Variants in SEMA3E observed in about 807,000 individuals in gnomAD.
The protein encoded by SEMA3E is semaphorin-3E.
SEMA3E carries 49 observed loss-of-function variants against 93.6 expected under a neutral mutation model. The observed-to-expected ratio is 0.52, with a 90% CI of 0.42 to 0.66. The LOEUF (loss-of-function observed/expected upper bound fraction) is 0.66. Among genes scored for constraint, SEMA3E ranks in the 30% least tolerant of loss-of-function variants. SEMA3E has a pLI of 0.00. For missense variants in SEMA3E, 906 were observed against 964.8 expected, an observed-to-expected ratio of 0.94 and a Z score of 0.81; for synonymous variants, 363 against 330.7, an observed-to-expected ratio of 1.10 and a Z score of -1.06.
chr7:83,459,783 C>A (rs1789570901), intron 4 of SEMA3E, among the ~76,000 whole-genome samples: 1 of 152,146 alleles, frequency 6.6e-6, no homozygotes, highest in Non-Finnish European at 1.5e-5. Flanking sequence ...CCCTGCCCCA[C>A]CTTAACTGAT....
intron 1 of SEMA3E, among the ~76,000 whole-genome samples, chr7:83,516,871 A>C (rs961025399): frequency 4.6e-5 from 7 of 151,538 alleles, no homozygotes; most frequent in Non-Finnish European, 7.4e-5. Flanking sequence ...TACAATAATA[A>C]ATTTTAGTAA....
intron 14 of SEMA3E, among the ~76,000 whole-genome samples, chr7:83,387,630 T>C (rs895203953): frequency 4.6e-5 from 7 of 151,744 alleles, no homozygotes; most frequent in South Asian, 2.1e-4. Flanking sequence ...TTCAATGTGA[T>C]AGTGTGTTTT....
intron 4 of SEMA3E, among the ~76,000 whole-genome samples, chr7:83,461,401 C>T (rs749041619): frequency 2.6e-5 from 4 of 152,146 alleles, no homozygotes; most frequent in Non-Finnish European, 4.4e-5. Context: ...GCTCCTCCAC[C>T]CTATAATCTT....
At chr7:83,526,968 G>A (rs373456337) in intron 1 of SEMA3E, among the ~76,000 whole-genome samples, 1 of 149,390 alleles carries the variant, frequency 6.7e-6, no homozygotes, top group African/African-American at 2.5e-5. Context: ...CCAGCTTTGC[G>A]AGTGTGACCT....
At chr7:83,520,417 C>A (rs184868032) in intron 1 of SEMA3E, among the ~76,000 whole-genome samples, 1 of 152,204 alleles carries the variant, frequency 6.6e-6, no homozygotes, top group African/African-American at 2.4e-5. Context: ...ATTCCTTTCT[C>A]CGTATAATCT....
Position 83,466,569 on chromosome 7 carries a change from A to G in SEMA3E, c.369T>C (p.His123=). ...TCAGAAGGTGTGTCCTGTTATAGTGATGCAAAACCCGAACATAATTTGCAC... is the reference window on the plus strand; with the variant it reads ...TCAGAAGGTGTGTCCTGTTATAGTGGTGCAAAACCCGAACATAATTTGCAC... ...GECANYVRVL[H]HYNRTHLLTC... Residue 123 remains histidine, a synonymous_variant, in exon 4 of 17, where the codon CAT becomes CAC. Coordinates refer to ENST00000643230, the MANE Select transcript of SEMA3E (RefSeq NM_012431.3). 6.2e-7 allele frequency: 1 copy of G among 1,613,960 alleles called. No homozygotes were observed. Among genetic ancestry groups the G allele is most frequent in the Non-Finnish European group, 8.5e-7 (1 of 1,180,004 alleles).
intron 2 of SEMA3E, among the ~76,000 whole-genome samples, chr7:83,475,583 C>T (rs780781675): frequency 3.3e-5 from 5 of 152,224 alleles, no homozygotes; most frequent in Middle Eastern, 3.4e-3. Flanking sequence ...TAGGCTGCCA[C>T]GCATCACCCC....
At chr7:83,457,484 T>G (rs771021778) in intron 4 of SEMA3E, among the ~76,000 whole-genome samples, 1 of 152,234 alleles carries the variant, frequency 6.6e-6, no homozygotes, top group Non-Finnish European at 1.5e-5. Context: ...GAAATAAAAT[T>G]AGAATTGCTT....
rs1447510261 is a variant in SEMA3E at position 83,482,904 on chromosome 7, TAC to T, written c.276+7208_276+7209del. ...TTCCAGGGAAGGGGAGTTGTAAGGATACAGAGGTATGAAAAAGAGAAATGGTC... is the reference window on the plus strand; with the variant it reads ...TTCCAGGGAAGGGGAGTTGTAAGGATAGAGGTATGAAAAAGAGAAATGGTC... On this transcript the variant is annotated intron_variant, in intron 2 of 16. Transcript: ENST00000643230. Among the ~76,000 whole-genome samples the T allele has an allele frequency of 3.6e-5, 3 of 83,588 alleles. No individual in the cohort carries two copies. The Admixed American group carries it at 4.9e-4, about 14-fold the overall frequency. 54.8% of individuals were successfully genotyped at this position (83,588 alleles called of 152,430 possible). A position where few individuals can be genotyped will look rare whatever the true frequency, so the allele number is the denominator to read the frequency against.
At chr7:83,373,907 G>A (rs1794782702) in intron 16 of SEMA3E, among the ~76,000 whole-genome samples, 1 of 152,086 alleles carries the variant, frequency 6.6e-6, no homozygotes, top group South Asian at 2.1e-4. Flanking sequence ...CACTAGTAAG[G>A]TTAGAAACTC....
chr7:83,616,800 C>T (rs1454349043), intron 1 of SEMA3E: 6 of 422,770 alleles, frequency 1.4e-5, no homozygotes, highest in Non-Finnish European at 2.8e-5. Flanking sequence ...TCTCCTCTCA[C>T]TACAACCTCC....
intron 2 of SEMA3E, among the ~76,000 whole-genome samples, chr7:83,477,792 A>C (rs1399259712): frequency 6.6e-6 from 1 of 152,152 alleles, no homozygotes; most frequent in Non-Finnish European, 1.5e-5. Context: ...TTAAATTCTA[A>C]AATACAAGAA....
intron 7 of SEMA3E, among the ~76,000 whole-genome samples, chr7:83,406,550 A>G (rs1010838219): frequency 7.0e-6 from 1 of 143,726 alleles, no homozygotes; most frequent in Non-Finnish European, 1.5e-5. Context: ...ATATGCACAC[A>G]TATTTATATG....
intron 1 of SEMA3E, among the ~76,000 whole-genome samples, chr7:83,599,041 G>T (rs760814981): frequency 6.6e-6 from 1 of 152,072 alleles, no homozygotes; most frequent in Non-Finnish European, 1.5e-5. Flanking sequence ...CTTATCTTTT[G>T]TCATACTTCA....
intron 1 of SEMA3E, among the ~76,000 whole-genome samples, chr7:83,534,305 T>C (rs1292138674): frequency 6.6e-6 from 1 of 152,204 alleles, no homozygotes; most frequent in Non-Finnish European, 1.5e-5. Flanking sequence ...TTTTTTGAAG[T>C]TCTCGCCTTT....
chr7:83,606,776 T>TA (rs1304389749), intron 1 of SEMA3E, among the ~76,000 whole-genome samples: 9 of 102,808 alleles, frequency 8.8e-5, no homozygotes, highest in Non-Finnish European at 1.8e-4. Flanking sequence ...AAAAAAAAAA[T>TA]TAAAAAAAAA....
At chr7:83,506,032 A>AAAAT (rs1554333681) in intron 1 of SEMA3E, among the ~76,000 whole-genome samples, 15 of 119,724 alleles carry the variant, frequency 1.3e-4, no homozygotes, top group African/African-American at 3.9e-4. Flanking sequence ...AAAAAAAAAA[A>AAAAT]ATATATATAT....
At chr7:83,400,770 C>T (rs1471438569) in intron 10 of SEMA3E, among the ~76,000 whole-genome samples, 2 of 152,108 alleles carry the variant, frequency 1.3e-5, no homozygotes, top group African/African-American at 4.8e-5. Flanking sequence ...TAACATCATA[C>T]ATATTCAAAT....
intron 4 of SEMA3E, among the ~76,000 whole-genome samples, chr7:83,433,621 T>G (rs1167041724): frequency 6.6e-6 from 1 of 152,098 alleles, no homozygotes; most frequent in African/African-American, 2.4e-5. Context: ...CTCTAAATAC[T>G]TGTTGAAATA....
Sources: allele counts gnomAD v4.1 joint callset (sites outside exome capture counted in the v4.1 genomes callset), GRCh38; gene constraint gnomAD v4.1.1; transcripts MANE v1.5; gene names NCBI Gene and HGNC (gene_info 2026-07-23, HGNC 2026-07-21).